The following NTNG1 variants were observed in gnomAD, a reference collection of about 807,000 sequenced individuals.
NTNG1 encodes netrin G1.
Under a neutral mutation model 54.0 loss-of-function variants are expected in NTNG1, and 16 were observed. That is an observed-to-expected ratio of 0.30 (90% CI 0.20 to 0.45). NTNG1 has a LOEUF of 0.45. NTNG1 is among the 20% of genes least tolerant of loss of function. The pLI, the probability that NTNG1 is intolerant of heterozygous loss-of-function variation, is 1.00. For missense variants in NTNG1, 530 were observed against 678.7 expected, an observed-to-expected ratio of 0.78 and a Z score of 2.43; for synonymous variants, 255 against 263.1, an observed-to-expected ratio of 0.97 and a Z score of 0.30.
intron 2 of NTNG1, among the ~76,000 whole-genome samples, chr1:107,246,194 G>C (rs961371913): frequency 3.3e-5 from 5 of 152,176 alleles, no homozygotes; most frequent in East Asian, 3.9e-4. Context: ...TGGGACTACA[G>C]GCACCTGCCA....
At chr1:107,215,141 A>G (rs575432495) in intron 2 of NTNG1, among the ~76,000 whole-genome samples, 17 of 151,958 alleles carry the variant, frequency 1.1e-4, no homozygotes, top group Non-Finnish European at 2.4e-4. Flanking sequence ...TTAACTAATT[A>G]TCATCTATAT....
At chr1:107,410,243 C>A (rs983934767) in intron 5 of NTNG1, 8 of 152,084 alleles carry the variant, frequency 5.3e-5, no homozygotes, top group African/African-American at 1.9e-4. Flanking sequence ...ATGTATATAA[C>A]CATCAGTTTA....
At chr1:107,364,358 T>C (rs1277128501) in intron 3 of NTNG1, among the ~76,000 whole-genome samples, 3 of 152,236 alleles carry the variant, frequency 2.0e-5, no homozygotes, top group African/African-American at 4.8e-5. Context: ...TATTCACTTA[T>C]TATTAAACTT....
At chr1:107,267,385 G>T (rs1663821266) in intron 2 of NTNG1, among the ~76,000 whole-genome samples, 1 of 152,128 alleles carries the variant, frequency 6.6e-6, no homozygotes, top group East Asian at 1.9e-4. Context: ...AATTTGCATA[G>T]AGGTAAATCA....
chr1:107,175,667 T>G (rs1656593235), intron 2 of NTNG1, among the ~76,000 whole-genome samples: 1 of 152,112 alleles, frequency 6.6e-6, no homozygotes, highest in African/African-American at 2.4e-5. Context: ...TGAAAAGCTA[T>G]TATGCTATTA....
At chr1:107,350,619 G>A (rs936019505) in intron 3 of NTNG1, among the ~76,000 whole-genome samples, 3 of 152,130 alleles carry the variant, frequency 2.0e-5, no homozygotes, top group South Asian at 4.1e-4. Flanking sequence ...GAATGGATAA[G>A]GAAAGTGTAA....
chr1:107,161,891 A>G (rs147399504), intron 2 of NTNG1, among the ~76,000 whole-genome samples: 4,143 of 151,940 alleles, frequency 0.027, 99 homozygotes, highest in Non-Finnish European at 0.038. Flanking sequence ...GTGTTCAAAA[A>G]TAACACATAC....
In NTNG1 at chr1:107,192,961, A is replaced by C. The variant is rs907048710; in HGVS notation, c.246+44122A>C. Among the ~76,000 whole-genome samples the C allele has an allele frequency of 3.3e-5, 5 of 152,120 alleles. No homozygotes were observed. In the South Asian group the frequency reaches 1.0e-3, roughly 32 times the overall value. On this transcript the variant is annotated intron_variant, in intron 2 of 7. Transcript: ENST00000370068. The stretch of plus-strand genomic sequence containing the variant: ...TGTTTTCCTTTCAAATTCCATGTGT[A>C]TCATAAACAAAGTAAATAGAAACTA...
intron 3 of NTNG1, among the ~76,000 whole-genome samples, chr1:107,370,847 T>C (rs770091779): frequency 6.6e-6 from 1 of 152,164 alleles, no homozygotes; most frequent in African/African-American, 2.4e-5. Flanking sequence ...ATTTTTATGC[T>C]AGTATAAATG....
chr1:107,436,854 T>C, intron 7 of NTNG1, 55 bp downstream of exon 7: 2 of 1,574,178 alleles, frequency 1.3e-6, no homozygotes, highest in Non-Finnish European at 1.7e-6. Context: ...GATTTCTGCT[T>C]GGCTAGGCCG....
intron 2 of NTNG1, among the ~76,000 whole-genome samples, chr1:107,201,008 C>A (rs557369410): frequency 6.6e-6 from 1 of 151,846 alleles, no homozygotes; most frequent in Non-Finnish European, 1.5e-5. Flanking sequence ...CTAAGCAACA[C>A]AACGCAATTT....
chr1:107,173,180 C>A (rs191653156), intron 2 of NTNG1, among the ~76,000 whole-genome samples: 5 of 151,938 alleles, frequency 3.3e-5, no homozygotes, highest in Admixed American at 1.3e-4. Context: ...GAGATATATA[C>A]CCAGCCAGGA....
Position 107,465,960 on chromosome 1 carries a change from G to C in NTNG1, c.1391-14651G>C, listed in dbSNP as rs559200383. Among the ~76,000 whole-genome samples the C allele has an allele frequency of 2.0e-5, 3 of 152,264 alleles. No homozygotes were observed. The South Asian group carries it at 6.2e-4, about 32-fold the overall frequency. ...TTGTGTGTGTGTGCATATGTGTGTGGGAAGGTGGTATGTAAGTTTAAGACA... is the reference window on the plus strand; with the variant it reads ...TTGTGTGTGTGTGCATATGTGTGTGCGAAGGTGGTATGTAAGTTTAAGACA... On this transcript the variant is annotated intron_variant, in intron 7 of 7. Coordinates refer to ENST00000370068, the MANE Select transcript of NTNG1 (RefSeq NM_001113226.3).
intron 2 of NTNG1, among the ~76,000 whole-genome samples, chr1:107,297,660 A>T (rs1469535888): frequency 6.6e-6 from 1 of 152,062 alleles, no homozygotes; most frequent in African/African-American, 2.4e-5. Flanking sequence ...TCTCTCCCCA[A>T]ACAACAATTG....
At position 107,279,427 on chromosome 1, in the gene NTNG1, G is replaced by A. The variant is rs74851602; in HGVS notation, c.247-44855G>A. Among the ~76,000 whole-genome samples, 471 of 152,126 alleles carry A rather than the reference G, an allele frequency of 3.1e-3. 4 individuals carry two copies. In the East Asian group the frequency reaches 0.052, roughly 17 times the overall value. On this transcript the variant is annotated intron_variant, in intron 2 of 7. Coordinates refer to ENST00000370068, the MANE Select transcript of NTNG1 (RefSeq NM_001113226.3). ...GGAGCAAAATTATTTAACAACTAGCGTGACATCATCACTGACCAATCAAGG... is the reference window on the plus strand; with the variant it reads ...GGAGCAAAATTATTTAACAACTAGCATGACATCATCACTGACCAATCAAGG...
chr1:107,371,403 A>G (rs761589500), intron 3 of NTNG1, among the ~76,000 whole-genome samples: 66 of 152,052 alleles, frequency 4.3e-4, no homozygotes, highest in Non-Finnish European at 8.8e-4. Flanking sequence ...CTATGTTTAT[A>G]AGGGTTATTG....
At chr1:107,461,564 GAGT>G (rs1677284049) in intron 7 of NTNG1, among the ~76,000 whole-genome samples, 1 of 150,718 alleles carries the variant, frequency 6.6e-6, no homozygotes. Flanking sequence ...TTTTGAGACG[GAGT>G]CTTGCTCTGT....
chr1:107,221,281 G>A lies in NTNG1; in HGVS notation c.246+72442G>A, dbSNP rs897725356. The stretch of plus-strand genomic sequence containing the variant: ...GCTTTGCAGGGTGTGATGGTACACA[G>A]CAAATTGCCCTTGGGCTTCAGCCCA... On this transcript the variant is annotated intron_variant, in intron 2 of 7. Coordinates refer to ENST00000370068, the MANE Select transcript of NTNG1 (RefSeq NM_001113226.3). Among the ~76,000 whole-genome samples, 3 of 152,182 alleles carry A rather than the reference G, an allele frequency of 2.0e-5. No individual in the cohort carries two copies. In the South Asian group the frequency reaches 6.2e-4, roughly 32 times the overall value.
intron 2 of NTNG1, among the ~76,000 whole-genome samples, chr1:107,234,647 A>C (rs539121531): frequency 1.3e-5 from 2 of 152,242 alleles, no homozygotes; most frequent in Non-Finnish European, 2.9e-5. Context: ...CAGCCAAAAA[A>C]TTACAGAAGC....
Sources: gnomAD v4.1 joint callset for allele counts (sites outside exome capture counted in the v4.1 genomes callset) on GRCh38, gnomAD v4.1.1 for gene constraint, MANE v1.5 for transcripts, NCBI Gene and HGNC (gene_info 2026-07-23, HGNC 2026-07-21) for gene names.